FAM120C: variants seen among roughly 807,000 people sequenced by gnomAD.
FAM120C encodes family with sequence similarity 120 member C, also known as constitutive coactivator of PPAR-gamma-like protein 2.
FAM120C carries 14 observed loss-of-function variants against 71.2 expected under a neutral mutation model. The observed-to-expected ratio is 0.20, with a 90% CI of 0.13 to 0.31. The LOEUF (loss-of-function observed/expected upper bound fraction) is 0.31, where lower values mean the gene tolerates loss of function less well. Among genes scored for constraint, FAM120C ranks in the 10% least tolerant of loss-of-function variants. The pLI, the probability that FAM120C is intolerant of heterozygous loss-of-function variation, is 1.00. For synonymous variants in FAM120C, 354 were observed against 353.2 expected (o/e 1.00, Z -0.03); for missense variants, 500 against 879.0 (o/e 0.57, Z 5.45).
rs782400515 is a variant in FAM120C, at chrX:54,168,176, A to G, written c.700-8560T>C. Among the ~76,000 whole-genome samples the G allele has an allele frequency of 3.6e-5, 4 of 111,007 alleles. No individual in the cohort carries two copies. The South Asian group carries it at 1.2e-3, about 32-fold the overall frequency. On this transcript the variant is annotated intron_variant, in intron 1 of 15. Coordinates refer to ENST00000375180, the MANE Select transcript of FAM120C (RefSeq NM_017848.6). ...TATTTTTTGAGGGTATCATTTTGTC[A>G]CCAAGGCTGGAATGCAGTGGTGGGA... is the stretch of plus-strand genomic sequence containing the variant.
At chrX:54,161,837 G>A (rs1341433060) in intron 1 of FAM120C, among the ~76,000 whole-genome samples, 2 of 112,041 alleles carry the variant, frequency 1.8e-5, no homozygotes, top group Non-Finnish European at 3.8e-5. Context: ...TCACCATGTT[G>A]GCCAGGCTGG....
chrX:54,083,433 C>CCACA (rs781964795), intron 13 of FAM120C, among the ~76,000 whole-genome samples: 20,926 of 78,632 alleles, frequency 0.27, 2,767 homozygotes, highest in East Asian at 0.51. Flanking sequence ...GACCCCATCT[C>CCACA]CACACACACA....
At chrX:54,175,773 C>CA (rs781893848) in intron 1 of FAM120C, among the ~76,000 whole-genome samples, 204 of 111,412 alleles carry the variant, frequency 1.8e-3, no homozygotes, top group South Asian at 0.011. Flanking sequence ...ATTTAACACT[C>CA]ACAACAAAAT....
At chrX:54,081,173 CA>C in intron 14 of FAM120C, 148 bp downstream of exon 14, 1 of 542,187 alleles carries the variant, frequency 1.8e-6, no homozygotes, top group Non-Finnish European at 2.7e-6. Flanking sequence ...GACCCCATCT[CA>C]AAAAGAGAAA....
rs1557130258 is a variant in FAM120C at position 54,135,078 on chromosome X, G to T, written c.1369C>A (p.Pro457Thr). Residue 457 changes from proline to threonine, a missense_variant, in exon 7 of 16, where the codon CCA becomes ACA. Physicochemically the swap from Pro to Thr is conservative, Grantham distance 38. This residue lies in a region of FAM120C where 55 missense variants were observed against 96.7 expected (regional missense o/e 0.57). Coordinates refer to ENST00000375180, the MANE Select transcript of FAM120C (RefSeq NM_017848.6). The part of the protein sequence containing the change: ...SHQVPQKVKY[P>T]PPFPVGPNSS... ...TTGGGTCCCACTGGGAATGGTGGTG[G>T]ATATTTCACTTTCTGGGGCACTTGA... The T allele has an allele frequency of 2.5e-6, 3 of 1,196,289 alleles. No individual in the cohort carries two copies. The highest frequency in any genetic ancestry group is 2.3e-6 in the Non-Finnish European group (2 of 886,789).
At chrX:54,168,484 G>A (rs1453997090) in intron 1 of FAM120C, among the ~76,000 whole-genome samples, 1 of 112,216 alleles carries the variant, frequency 8.9e-6, no homozygotes, top group Non-Finnish European at 1.9e-5. Context: ...ACCATTTTAT[G>A]TATTATATAC....
chrX:54,091,227 C>T (rs1557122578), intron 11 of FAM120C, 85 bp downstream of exon 11: 1 of 575,127 alleles, frequency 1.7e-6, no homozygotes, highest in African/African-American at 2.3e-5. Flanking sequence ...TTACTATTTT[C>T]CTCAGCTTCA....
chrX:54,148,121 T>A (rs1373253052), intron 4 of FAM120C, among the ~76,000 whole-genome samples: 2 of 111,504 alleles, frequency 1.8e-5, no homozygotes, highest in African/African-American at 3.3e-5. Context: ...TAAAAACTAA[T>A]GAAAAATTTA....
intron 1 of FAM120C, among the ~76,000 whole-genome samples, chrX:54,165,177 TATC>T (rs2146641284): frequency 9.0e-6 from 1 of 111,646 alleles, no homozygotes; most frequent in Non-Finnish European, 1.9e-5. Context: ...AATTTCTTAA[TATC>T]ATAATATCTA....
At chrX:54,091,502 C>A in intron 10 of FAM120C, 76 bp from the exon 11 acceptor site, 1 of 716,362 alleles carries the variant, frequency 1.4e-6, no homozygotes, top group Non-Finnish European at 2.1e-6. Flanking sequence ...AAGCTAAGAA[C>A]CTATCATGAG....
Position 54,151,809 on chromosome X carries a change from G to A in FAM120C, c.1030-436C>T, listed in dbSNP as rs147021410. ...CAAGAAATTAGCATTAATTTTGTCA[G>A]GAGTAATAATGGCATTATGCTTATG... On this transcript the variant is annotated intron_variant, in intron 3 of 15. Coordinates refer to ENST00000375180, the MANE Select transcript of FAM120C (RefSeq NM_017848.6). Among the ~76,000 whole-genome samples the A allele has an allele frequency of 4.7e-3, 523 of 111,345 alleles. 2 individuals are homozygous for A. The highest frequency in any genetic ancestry group is 0.016 in the African/African-American group (492 of 30,740).
chrX:54,176,956 T>C (rs1195785162), intron 1 of FAM120C, among the ~76,000 whole-genome samples: 2 of 111,805 alleles, frequency 1.8e-5, no homozygotes, highest in African/African-American at 6.5e-5. Flanking sequence ...CTACCACAGC[T>C]GACAGAGGCT....
In FAM120C at chrX:54,073,097, T is replaced by C. The variant is rs1557120227; in HGVS notation, c.3227A>G (p.Asn1076Ser). 3 of 1,211,277 alleles carry C rather than the reference T, an allele frequency of 2.5e-6. No homozygotes were observed. Among genetic ancestry groups the C allele is most frequent in the Non-Finnish European group, 3.4e-6 (3 of 895,170 alleles). The change falls in exon 16 of 16, where the codon AAT (asparagine) becomes AGT (serine). Residue 1076 changes from asparagine to serine, a missense_variant. Physicochemically the swap from Asn to Ser is conservative, Grantham distance 46. Transcript: ENST00000375180. ...CTCTTGTAAGTGGTTCTTCTCCCTA[T>C]TATTCATAGGGAGGTAGCGGTTACC... ...NNGNRYLPMNNREKNHLQEQK... is the reference protein window; with the variant it reads ...NNGNRYLPMNSREKNHLQEQK...
At chrX:54,127,201 A>C (rs1409051403) in intron 9 of FAM120C, among the ~76,000 whole-genome samples, 1 of 111,274 alleles carries the variant, frequency 9.0e-6, no homozygotes, top group Non-Finnish European at 1.9e-5. Flanking sequence ...GGATTTCAAC[A>C]TAAGAATTGC....
intron 9 of FAM120C, among the ~76,000 whole-genome samples, chrX:54,130,519 A>G (rs782493590): frequency 9.0e-6 from 1 of 111,334 alleles, no homozygotes; most frequent in East Asian, 2.8e-4. Flanking sequence ...AATACTCTGG[A>G]TCTTACTTAA....
intron 10 of FAM120C, among the ~76,000 whole-genome samples, chrX:54,106,632 T>C (rs1261373834): frequency 9.0e-6 from 1 of 111,473 alleles, no homozygotes; most frequent in African/African-American, 3.3e-5. Context: ...ACCTACAGAA[T>C]GAGAGAAAAT....
intron 4 of FAM120C, among the ~76,000 whole-genome samples, chrX:54,138,978 A>G (rs1339159723): frequency 8.9e-6 from 1 of 112,538 alleles, no homozygotes; most frequent in Non-Finnish European, 1.9e-5. Flanking sequence ...ATATAATTTT[A>G]AGACCATCAT....
intron 15 of FAM120C, among the ~76,000 whole-genome samples, chrX:54,075,852 C>T (rs1262145957): frequency 9.4e-6 from 1 of 106,105 alleles, no homozygotes; most frequent in Non-Finnish European, 1.9e-5. Flanking sequence ...TGGTAGCTCA[C>T]GCCTGTAATC....
intron 4 of FAM120C, among the ~76,000 whole-genome samples, chrX:54,148,948 T>C (rs978625281): frequency 1.8e-5 from 2 of 111,939 alleles, no homozygotes; most frequent in Non-Finnish European, 3.8e-5. Context: ...TATCTAATTT[T>C]CATTTGTCAA....
Sources: allele counts gnomAD v4.1 joint callset (sites outside exome capture counted in the v4.1 genomes callset), GRCh38; gene constraint gnomAD v4.1.1; regional missense constraint gnomAD v4.1.1; transcripts MANE v1.5; gene names NCBI Gene and HGNC (gene_info 2026-07-23, HGNC 2026-07-21).